The following FANCD2 variants were observed in gnomAD, a reference collection of about 807,000 sequenced individuals.
FANCD2 encodes Fanconi anemia group D2 protein.
A neutral mutation model predicts 192.3 loss-of-function variants in FANCD2; 131 were observed. That is an observed-to-expected ratio of 0.68 (90% CI 0.59 to 0.79). FANCD2 has a LOEUF of 0.79. Ranked by LOEUF, FANCD2 falls within the 30% of genes least tolerant of loss-of-function variation. FANCD2 has a pLI of 0.00. For missense variants in FANCD2, 1,508 were observed against 1,701.6 expected, an observed-to-expected ratio of 0.89 and a Z score of 2.00; for synonymous variants, 524 against 612.5, an observed-to-expected ratio of 0.86 and a Z score of 2.13.
Position 10,095,218 on chromosome 3 carries a change from C to A in FANCD2, c.3982C>A (p.Leu1328Met), listed in dbSNP as rs1453799835. The A allele has an allele frequency of 6.2e-7, 1 of 1,614,032 alleles. No individual in the cohort carries two copies. Among genetic ancestry groups the A allele is most frequent in the South Asian group, 1.1e-5 (1 of 91,080 alleles). The change falls in exon 41 of 44, where the codon CTG becomes ATG. Residue 1328 changes from leucine to methionine, a missense_variant. Transcript: ENST00000675286. ...RKHREDVLSL[L>M]ETFQLDTRLL... ...GTTATAGGAAGATGTTCTGAGCTTACTGGAAACCTTCCAGTTGGACACAAG... is the reference window on the plus strand; with the variant it reads ...GTTATAGGAAGATGTTCTGAGCTTAATGGAAACCTTCCAGTTGGACACAAG...
At chr3:10,098,540 A>C (rs1278301549) in intron 42 of FANCD2, among the ~76,000 whole-genome samples, 180 bp from the exon 43 acceptor site, 2 of 152,210 alleles carry the variant, frequency 1.3e-5, no homozygotes, top group African/African-American at 2.4e-5. Context: ...CAGACATCTC[A>C]GAAACCTGGA....
chr3:10,076,603 C>A (rs1464014904), intron 29 of FANCD2, among the ~76,000 whole-genome samples: 1 of 152,106 alleles, frequency 6.6e-6, no homozygotes, highest in African/African-American at 2.4e-5. Flanking sequence ...AGTGCAGTGG[C>A]AAGATCATAG....
At position 10,032,821 on chromosome 3, in the gene FANCD2, T is replaced by G; in HGVS notation, c.65-11T>G. On this transcript the variant is annotated splice_polypyrimidine_tract_variant and intron_variant, in intron 2 of 43. Transcript: ENST00000675286. Reference sequence around the variant, plus strand: ...TATTTGCCATATTCTTGAAAATTTTTCTATTTTCAGAAACCAGGAAGCAAC... The same window carrying G: ...TATTTGCCATATTCTTGAAAATTTTGCTATTTTCAGAAACCAGGAAGCAAC... 1.9e-6 allele frequency: 3 copies of G among 1,609,186 alleles called. No individual in the cohort carries two copies. The highest frequency in any genetic ancestry group is 2.5e-6 in the Non-Finnish European group (3 of 1,176,606).
At chr3:10,054,518 C>G (rs1332445020) in intron 18 of FANCD2, among the ~76,000 whole-genome samples, 1 of 101,508 alleles carries the variant, frequency 9.9e-6, no homozygotes, top group Non-Finnish European at 1.8e-5. Context: ...GAGTCTCGCA[C>G]TGTCACCCAG....
chr3:10,070,106 C>G (rs1327466742), intron 26 of FANCD2, among the ~76,000 whole-genome samples: 1 of 151,060 alleles, frequency 6.6e-6, no homozygotes, highest in African/African-American at 2.4e-5. Context: ...CGCCTCTGCC[C>G]GGCCGCGACC....
chr3:10,073,177 G>A, intron 27 of FANCD2, 76 bp from the exon 28 acceptor site: 1 of 1,223,958 alleles, frequency 8.2e-7, no homozygotes, highest in Non-Finnish European at 1.2e-6. Flanking sequence ...CCAACAGGTT[G>A]TTTTCTGAGG....
Position 10,043,813 on chromosome 3 carries a change from T to C in FANCD2, c.1099-16T>C. On this transcript the variant is annotated splice_polypyrimidine_tract_variant and intron_variant, in intron 13 of 43. Transcript: ENST00000675286. Reference sequence around the variant, plus strand: ...ATGTGTCATAATATTTTTGTGACTCTCTCCTGTTTTTTCAGGCAATTGAAA... The same window carrying C: ...ATGTGTCATAATATTTTTGTGACTCCCTCCTGTTTTTTCAGGCAATTGAAA... 10 of 1,613,016 alleles carry C rather than the reference T, an allele frequency of 6.2e-6. No individual in the cohort carries two copies. Among genetic ancestry groups the C allele is most frequent in the South Asian group, 2.2e-5 (2 of 90,928 alleles).
Position 10,084,348 on chromosome 3 carries a change from G to A in FANCD2, c.3225-1464G>A, listed in dbSNP as rs549162099. 6.7e-5 allele frequency among the ~76,000 whole-genome samples: 10 copies of A among 149,732 alleles called. No homozygotes were observed. The East Asian group carries it at 1.6e-3, about 24-fold the overall frequency. ...GCTCTGTTGCCCAGGCTGGAGTGTAGTAACACAATCACAGCTCACTGCAAC... is the reference window on the plus strand; with the variant it reads ...GCTCTGTTGCCCAGGCTGGAGTGTAATAACACAATCACAGCTCACTGCAAC... On this transcript the variant is annotated intron_variant, in intron 32 of 43. Transcript: ENST00000675286.
intron 1 of FANCD2, among the ~76,000 whole-genome samples, chr3:10,028,050 TAAAA>T (rs34136078): frequency 3.5e-5 from 5 of 141,722 alleles, no homozygotes; most frequent in Non-Finnish European, 3.1e-5. Flanking sequence ...CTGTCTCTAC[TAAAA>T]AAAAAAAAAA....
chr3:10,053,440 G>A (rs1406587059), intron 18 of FANCD2, among the ~76,000 whole-genome samples: 1 of 151,784 alleles, frequency 6.6e-6, no homozygotes, highest in Non-Finnish European at 1.5e-5. Context: ...TGACGAGTTA[G>A]TGGGTGCAGC....
At chr3:10,026,575 C>A in intron 1 of FANCD2, 102 bp downstream of exon 1, 1 of 232,180 alleles carries the variant, frequency 4.3e-6, no homozygotes, top group Non-Finnish European at 7.1e-6. Flanking sequence ...TGGGGCTCCG[C>A]GCCCCGAACC....
chr3:10,090,734 A>G (rs1300389124), intron 37 of FANCD2, among the ~76,000 whole-genome samples: 1 of 152,218 alleles, frequency 6.6e-6, no homozygotes, highest in Non-Finnish European at 1.5e-5. Context: ...CTGAGATTAC[A>G]GACGTGCGCC....
chr3:10,029,773 C>G (rs1242916896), intron 2 of FANCD2, among the ~76,000 whole-genome samples: 3 of 152,066 alleles, frequency 2.0e-5, no homozygotes, highest in Non-Finnish European at 2.9e-5. Flanking sequence ...TCCATTATAT[C>G]ATTCTTGTTG....
At position 10,054,271 on chromosome 3, in the gene FANCD2, C is replaced by T. The variant is rs192178625; in HGVS notation, c.1656+1774C>T. Among the ~76,000 whole-genome samples the T allele has an allele frequency of 4.0e-5, 6 of 148,296 alleles. No homozygotes were observed. In the East Asian group the frequency reaches 9.9e-4, roughly 24 times the overall value. Reference sequence around the variant, plus strand: ...TAGATTGGAATCATAACTTGTAACTCGTTTGTAGCTTTAGTGCTACCTTAT... The same window carrying T: ...TAGATTGGAATCATAACTTGTAACTTGTTTGTAGCTTTAGTGCTACCTTAT... On this transcript the variant is annotated intron_variant, in intron 18 of 43. Coordinates refer to ENST00000675286, the MANE Select transcript of FANCD2 (RefSeq NM_001018115.3).
chr3:10,063,416 G>A (rs1410246418), intron 20 of FANCD2, among the ~76,000 whole-genome samples: 1 of 152,188 alleles, frequency 6.6e-6, no homozygotes, highest in African/African-American at 2.4e-5. Context: ...CAGCCTGGAC[G>A]ACAGAGCAAG....
chr3:10,032,736 C>A, intron 2 of FANCD2, 96 bp from the exon 3 acceptor site: 1 of 1,036,818 alleles, frequency 9.6e-7, no homozygotes, highest in Non-Finnish European at 1.5e-6. Context: ...TTTTTAAGGA[C>A]ACATCAGTTT....
In FANCD2 at chr3:10,052,384, C is replaced by T. The variant is rs1015993601; in HGVS notation, c.1546-3C>T. The T allele has an allele frequency of 6.3e-7, 1 of 1,583,430 alleles. No homozygotes were observed. Among genetic ancestry groups the T allele is most frequent in the Non-Finnish European group, 8.7e-7 (1 of 1,152,158 alleles). ...CTCATTGTTGGCATCATTTTTTCCA[C>T]AGGGCATTTTAGATTATCTGGATAA... On this transcript the variant is annotated splice_polypyrimidine_tract_variant and splice_region_variant and intron_variant, in intron 17 of 43. Coordinates refer to ENST00000675286, the MANE Select transcript of FANCD2 (RefSeq NM_001018115.3).
In FANCD2 at chr3:10,088,326, G is replaced by A. The variant is rs150434555; in HGVS notation, c.3467-123G>A. On this transcript the variant is annotated intron_variant, in intron 34 of 43. Coordinates refer to ENST00000675286, the MANE Select transcript of FANCD2 (RefSeq NM_001018115.3). ...CTTTTTGTAAGTTGCCTGTTAGACCGGGAACGTCTTAGTAAATCTAAACTA... is the reference window on the plus strand; with the variant it reads ...CTTTTTGTAAGTTGCCTGTTAGACCAGGAACGTCTTAGTAAATCTAAACTA... The A allele has an allele frequency of 1.5e-4, 110 of 753,240 alleles. 2 individuals carry two copies. The highest frequency in any genetic ancestry group is 1.1e-3 in the South Asian group (81 of 70,554). The allele number at this position is 753,240 out of a possible 1,614,324, so 46.7% of individuals were successfully genotyped here.
intron 18 of FANCD2, among the ~76,000 whole-genome samples, chr3:10,056,564 T>C (rs1276395157): frequency 1.3e-5 from 2 of 152,112 alleles, no homozygotes; most frequent in African/African-American, 2.4e-5. Context: ...TAGGGTCTTA[T>C]TCTGTTACCC....
Sources: allele counts gnomAD v4.1 joint callset (sites outside exome capture counted in the v4.1 genomes callset), GRCh38; gene constraint gnomAD v4.1.1; transcripts MANE v1.5; gene names NCBI Gene and HGNC (gene_info 2026-07-23, HGNC 2026-07-21).